The following GHR variants were observed in gnomAD, a reference collection of about 807,000 sequenced individuals.
GHR encodes the protein GH receptor.
A neutral mutation model predicts 67.1 loss-of-function variants in GHR; 35 were observed. The observed-to-expected ratio is 0.52, with a 90% CI of 0.40 to 0.69. The LOEUF is 0.69. GHR is among the 30% of genes least tolerant of loss of function. The probability of loss-of-function intolerance (pLI) is 0.00; values close to 1 mark genes in which losing one functional copy is unlikely to be tolerated. For synonymous variants in GHR, 272 were observed against 269.1 expected (o/e 1.01, Z -0.10); for missense variants, 792 against 764.6 (o/e 1.04, Z -0.42).
intron 1 of GHR, among the ~76,000 whole-genome samples, chr5:42,463,820 C>A (rs983443918): frequency 6.6e-6 from 1 of 150,550 alleles, no homozygotes; most frequent in Non-Finnish European, 1.5e-5. Context: ...GGTGAAACCC[C>A]GTCTCTACTA....
intron 1 of GHR, chr5:42,468,906 G>C: frequency 1.6e-6 from 1 of 626,870 alleles, no homozygotes; most frequent in Non-Finnish European, 2.6e-6. Flanking sequence ...GGATTGCAGC[G>C]GGCTGCGCCG....
rs78095808 is a variant in GHR, at chr5:42,607,296, C to T, written c.71-21742C>T. Among the ~76,000 whole-genome samples the T allele has an allele frequency of 8.3e-3, 1,261 of 152,266 alleles. 10 individuals are homozygous for T. The highest frequency in any genetic ancestry group is 0.036 in the East Asian group (184 of 5,172). ...AGAATAATATAAGGAGCAAGTCCCT[C>T]AGGGAGGAGCTGTAAAAGTTGAGGT... On this transcript the variant is annotated intron_variant, in intron 2 of 9. Coordinates refer to ENST00000230882, the MANE Select transcript of GHR (RefSeq NM_000163.5).
chr5:42,480,762 A>G (rs1485806200), intron 1 of GHR, among the ~76,000 whole-genome samples: 1 of 151,884 alleles, frequency 6.6e-6, no homozygotes, highest in Non-Finnish European at 1.5e-5. Context: ...GCGTCCCTTT[A>G]TTTTGAGCCT....
intron 2 of GHR, among the ~76,000 whole-genome samples, chr5:42,576,084 TAAAATAAAATAAAATAAATA>T (rs1561135565): frequency 4.2e-5 from 4 of 95,688 alleles, no homozygotes; most frequent in Non-Finnish European, 7.9e-5. Flanking sequence ...TAAAATAAAA[TAAAATAAAATAAAATAAATA>T]AAATAAAATA....
intron 1 of GHR, among the ~76,000 whole-genome samples, chr5:42,442,826 AACACTGAAATTAC>A (rs1579706090): frequency 6.6e-6 from 1 of 152,232 alleles, no homozygotes; most frequent in Non-Finnish European, 1.5e-5. Context: ...AAAAACAAAA[AACACTGAAATTAC>A]ACATTTTCTT....
At chr5:42,602,862 T>C (rs1752446788) in intron 2 of GHR, among the ~76,000 whole-genome samples, 1 of 152,228 alleles carries the variant, frequency 6.6e-6, no homozygotes, top group African/African-American at 2.4e-5. Flanking sequence ...AATTTAGTTA[T>C]AGTTGTTTTA....
chr5:42,556,016 C>A (rs1455650827), intron 1 of GHR, among the ~76,000 whole-genome samples: 1 of 151,992 alleles, frequency 6.6e-6, no homozygotes, highest in African/African-American at 2.4e-5. Context: ...ATTGCTGACT[C>A]CTCCTCTAGT....
intron 2 of GHR, among the ~76,000 whole-genome samples, chr5:42,606,099 C>G (rs1438807201): frequency 5.3e-5 from 8 of 152,100 alleles, no homozygotes; most frequent in Non-Finnish European, 1.2e-4. Context: ...GATTTCAGAG[C>G]CAGTCTCTCA....
At chr5:42,704,948 T>C (rs1561243556) in intron 6 of GHR, among the ~76,000 whole-genome samples, 1 of 151,746 alleles carries the variant, frequency 6.6e-6, no homozygotes, top group African/African-American at 2.4e-5. Context: ...ATTTTGTTTA[T>C]CTTTTCAAAA....
chr5:42,714,400 A>G (rs1178318068), intron 8 of GHR, among the ~76,000 whole-genome samples: 2 of 152,190 alleles, frequency 1.3e-5, no homozygotes, highest in African/African-American at 2.4e-5. Flanking sequence ...TACGTTCTCC[A>G]GCTGAAGCCA....
chr5:42,624,645 A>C (rs1353779061), intron 2 of GHR, among the ~76,000 whole-genome samples: 2 of 123,078 alleles, frequency 1.6e-5, no homozygotes, highest in East Asian at 4.2e-4. Flanking sequence ...ATTTCCTTTC[A>C]CTTTGTTATT....
chr5:42,622,412 A>G (rs995373349), intron 2 of GHR, among the ~76,000 whole-genome samples: 1 of 152,192 alleles, frequency 6.6e-6, no homozygotes, highest in Admixed American at 6.5e-5. Context: ...AAGAAGGTAT[A>G]GTGAAAAGTT....
At chr5:42,442,150 G>A (rs2111959543) in intron 1 of GHR, among the ~76,000 whole-genome samples, 1 of 152,218 alleles carries the variant, frequency 6.6e-6, no homozygotes, top group East Asian at 1.9e-4. Flanking sequence ...ACTGAGACAG[G>A]GAGAGAGAAA....
intron 1 of GHR, among the ~76,000 whole-genome samples, chr5:42,441,090 G>A (rs1338594448): frequency 2.6e-5 from 4 of 152,138 alleles, no homozygotes; most frequent in African/African-American, 9.7e-5. Flanking sequence ...AAGCCACTGA[G>A]GTAAGTGAGA....
rs114821064 is a variant in GHR, at chr5:42,425,270, A to G, written c.-12+1315A>G. ...ACACAGGTTGGAGCTATGAATTTGA[A>G]ATTTTCAGGGTGCTGCTGTCCACAG... On this transcript the variant is annotated intron_variant, in intron 1 of 9. Transcript: ENST00000230882. Among the ~76,000 whole-genome samples the G allele has an allele frequency of 7.6e-3, 1,156 of 152,004 alleles. 11 individuals carry two copies. The highest frequency in any genetic ancestry group is 0.027 in the Middle Eastern group (8 of 294).
chr5:42,674,585 A>G (rs1020023511), intron 3 of GHR, among the ~76,000 whole-genome samples: 9 of 152,148 alleles, frequency 5.9e-5, no homozygotes, highest in Non-Finnish European at 1.2e-4. Context: ...TTAACATTTC[A>G]TGTAAATCAG....
chr5:42,520,794 C>T (rs963446099), intron 1 of GHR, among the ~76,000 whole-genome samples: 5 of 152,126 alleles, frequency 3.3e-5, no homozygotes, highest in Admixed American at 6.6e-5. Flanking sequence ...TGTCCCCTTG[C>T]CCGGAATGCT....
intron 3 of GHR, among the ~76,000 whole-genome samples, chr5:42,671,806 A>C (rs1756321036): frequency 6.6e-6 from 1 of 151,860 alleles, no homozygotes; most frequent in African/African-American, 2.4e-5. Context: ...AATACAAAAA[A>C]TTAGCCGGGC....
intron 1 of GHR, among the ~76,000 whole-genome samples, chr5:42,534,481 T>C (rs575794442): frequency 7.1e-6 from 1 of 141,786 alleles, no homozygotes; most frequent in East Asian, 1.9e-4. Flanking sequence ...TATGTATATG[T>C]GTATATATGT....
Sources: allele counts gnomAD v4.1 joint callset (sites outside exome capture counted in the v4.1 genomes callset), GRCh38; gene constraint gnomAD v4.1.1; transcripts MANE v1.5; gene names NCBI Gene and HGNC (gene_info 2026-07-23, HGNC 2026-07-21).